THUMPD3: variants seen among roughly 807,000 people sequenced by gnomAD.
THUMPD3 encodes the protein THUMP domain 3 tRNA guanosine methyltransferase, also known as tRNA (guanine(6)-N(2))-methyltransferase THUMP3.
In THUMPD3, 44 loss-of-function variants were observed where a neutral mutation model predicts 54.5. The ratio of observed to expected loss-of-function variants is 0.81; its 90% CI spans 0.63 to 1.04. The LOEUF is 1.04. Among genes scored for constraint, THUMPD3 ranks in the 50% least tolerant of loss-of-function variants. The probability of loss-of-function intolerance (pLI) is 0.00; values close to 1 mark genes in which losing one functional copy is unlikely to be tolerated. For missense variants in THUMPD3, 604 were observed against 601.3 expected (o/e 1.00, Z -0.05); for synonymous variants, 196 against 201.4 (o/e 0.97, Z 0.23).
At chr3:9,368,625 T>C (rs1044627526) in intron 3 of THUMPD3, among the ~76,000 whole-genome samples, 1 of 152,196 alleles carries the variant, frequency 6.6e-6, no homozygotes, top group Non-Finnish European at 1.5e-5. Context: ...CCTCTCAAAG[T>C]GCTGGGGTTA....
At chr3:9,364,394 C>T (rs9844331) in intron 1 of THUMPD3, among the ~76,000 whole-genome samples, 3,047 of 151,856 alleles carry the variant, frequency 0.02, 109 homozygotes, top group African/African-American at 0.068. Flanking sequence ...TTACCCCAGC[C>T]GGAGTGCAGT....
At chr3:9,364,827 G>T (rs1366401785) in intron 1 of THUMPD3, among the ~76,000 whole-genome samples, 189 bp from the exon 2 acceptor site, 1 of 152,138 alleles carries the variant, frequency 6.6e-6, no homozygotes, top group East Asian at 1.9e-4. Flanking sequence ...TATCTGTATT[G>T]CTTCTTTAAT....
rs1302274545 is a variant in THUMPD3, at chr3:9,363,099, G to C, written c.-82G>C. 2 of 152,456 alleles carry C rather than the reference G, an allele frequency of 1.3e-5. No homozygotes were observed. The highest frequency in any genetic ancestry group is 2.9e-5 in the Non-Finnish European group (2 of 68,260). 9.4% of individuals were successfully genotyped at this position (152,456 alleles called of 1,614,324 possible). A position where few individuals can be genotyped will look rare whatever the true frequency, so the allele number is the denominator to read the frequency against. On this transcript the variant is annotated 5_prime_UTR_variant, in exon 1 of 10. Coordinates refer to ENST00000452837, the MANE Select transcript of THUMPD3 (RefSeq NM_001114092.2). ...GACCGCAAGAGGCCAATGGAGTGTG[G>C]GAGCTGAAAGGGTCTTCGCTGGCGG...
At chr3:9,377,353 A>G (rs1285119454) in intron 5 of THUMPD3, among the ~76,000 whole-genome samples, 1 of 152,132 alleles carries the variant, frequency 6.6e-6, no homozygotes, top group Non-Finnish European at 1.5e-5. Context: ...TACAGTCAAC[A>G]TATCATTATA....
At position 9,374,570 on chromosome 3, in the gene THUMPD3, G is replaced by C; in HGVS notation, c.862G>C (p.Glu288Gln). Residue 288 changes from glutamate to glutamine, a missense_variant, in exon 5 of 10, where the codon GAG becomes CAG. Physicochemically the swap from Glu to Gln is conservative, Grantham distance 29 (BLOSUM62 2). Transcript: ENST00000452837. ...EVIVGIALTE[E>Q]SLHRRNITHF... ...CATTGTGGGCATTGCATTGACTGAA[G>C]AGAGTCTCCACCGAAGAAATATAAC... The C allele has an allele frequency of 1.2e-6, 2 of 1,614,050 alleles. No homozygotes were observed. The highest frequency in any genetic ancestry group is 1.7e-5 in the Admixed American group (1 of 60,008).
intron 5 of THUMPD3, among the ~76,000 whole-genome samples, chr3:9,377,222 G>T (rs1180054809): frequency 1.3e-5 from 2 of 151,956 alleles, no homozygotes; most frequent in African/African-American, 2.4e-5. Flanking sequence ...GTGTGTGTGT[G>T]TACACATGTG....
chr3:9,372,635 A>G (rs537185830), intron 4 of THUMPD3, among the ~76,000 whole-genome samples: 141 of 152,186 alleles, frequency 9.3e-4, no homozygotes, highest in Middle Eastern at 3.4e-3. Flanking sequence ...AAACCAGGAC[A>G]TCATTGCTAA....
rs368637077 is a variant in THUMPD3 at position 9,366,937 on chromosome 3, A to G, written c.282A>G (p.Leu94=). The change falls in exon 3 of 10, where the codon TTA becomes TTG. Residue 94 remains leucine (L), a synonymous_variant. Transcript: ENST00000452837. ...QVHCLRSVDN[L]FVVVQEFQDY... ...ATTGTCTGAGATCAGTTGATAACTT[A>G]TTTGTGGTGGTTCAGGAGTTTCAAG... 3 of 1,613,206 alleles carry G rather than the reference A, an allele frequency of 1.9e-6. No homozygotes were observed. Among genetic ancestry groups the G allele is most frequent in the Non-Finnish European group, 2.5e-6 (3 of 1,179,796 alleles).
At chr3:9,379,400 T>C (rs540963587) in intron 6 of THUMPD3, among the ~76,000 whole-genome samples, 1 of 152,292 alleles carries the variant, frequency 6.6e-6, no homozygotes, top group African/African-American at 2.4e-5. Context: ...GAAAAAGTTA[T>C]GAAACACTGC....
intron 3 of THUMPD3, among the ~76,000 whole-genome samples, chr3:9,370,061 T>C (rs2031907965): frequency 6.6e-6 from 1 of 152,204 alleles, no homozygotes; most frequent in Non-Finnish European, 1.5e-5. Context: ...TTATACTTTT[T>C]TCCTTTATTT....
rs370858535 is a variant in THUMPD3, at chr3:9,384,271, G to T, written c.1295G>T (p.Arg432Leu). 6.2e-7 allele frequency: 1 copy of T among 1,614,022 alleles called. No homozygotes were observed. The highest frequency in any genetic ancestry group is 8.5e-7 in the Non-Finnish European group (1 of 1,180,018). Residue 432 changes from arginine (R) to leucine (L), a missense_variant, in exon 9 of 10, where the codon CGT becomes CTT. Transcript: ENST00000452837. Reference protein sequence around the residue: ...LYPACLREMSRVCTPTTGRAV... With the variant: ...LYPACLREMSLVCTPTTGRAV... Reference sequence around the variant, plus strand: ...CCAGCTTGCCTACGGGAGATGAGCCGTGTCTGCACACCTACCACAGGCCGA... The same window carrying T: ...CCAGCTTGCCTACGGGAGATGAGCCTTGTCTGCACACCTACCACAGGCCGA...
At position 9,377,880 on chromosome 3, in the gene THUMPD3, C is replaced by A; in HGVS notation, c.1000C>A (p.Pro334Thr). The change falls in exon 6 of 10, where the codon CCA (proline) becomes ACA (threonine). Residue 334 changes from proline to threonine, a missense_variant. Pro to Thr is a conservative substitution (Grantham distance 38). Coordinates refer to ENST00000452837, the MANE Select transcript of THUMPD3 (RefSeq NM_001114092.2). Reference sequence around the variant, plus strand: ...TCCAATGTGTGGAACTGGGGCAATACCAATAGAGGTAATCATATTTCTTTA... The same window carrying A: ...TCCAATGTGTGGAACTGGGGCAATAACAATAGAGGTAATCATATTTCTTTA... ...VDPMCGTGAI[P>T]IEGATEWSDC... The A allele has an allele frequency of 6.2e-7, 1 of 1,610,476 alleles. No homozygotes were observed. Among genetic ancestry groups the A allele is most frequent in the Non-Finnish European group, 8.5e-7 (1 of 1,176,932 alleles).
chr3:9,372,392 C>T (rs1193703779), intron 4 of THUMPD3, among the ~76,000 whole-genome samples: 1 of 151,530 alleles, frequency 6.6e-6, no homozygotes, highest in Non-Finnish European at 1.5e-5. Context: ...CCAGCGTGGC[C>T]AATATGGTGA....
chr3:9,372,713 T>G (rs181230829), intron 4 of THUMPD3, among the ~76,000 whole-genome samples: 1 of 152,322 alleles, frequency 6.6e-6, no homozygotes, highest in East Asian at 1.9e-4. Flanking sequence ...GGTACCTCAT[T>G]TTAGTATATT....
At chr3:9,376,270 G>A (rs1479431518) in intron 5 of THUMPD3, among the ~76,000 whole-genome samples, 1 of 152,190 alleles carries the variant, frequency 6.6e-6, no homozygotes, top group African/African-American at 2.4e-5. Context: ...AAGAAGGGTA[G>A]GAACCACATC....
intron 3 of THUMPD3, among the ~76,000 whole-genome samples, chr3:9,370,172 T>G (rs1392351686): frequency 1.3e-5 from 2 of 152,228 alleles, no homozygotes; most frequent in Non-Finnish European, 2.9e-5. Flanking sequence ...GTGTAAGAGA[T>G]GAGGGTATCA....
Position 9,365,021 on chromosome 3 carries a change from T to G in THUMPD3, c.-48T>G, listed in dbSNP as rs2031407905. On this transcript the variant is annotated 5_prime_UTR_variant, in exon 2 of 10. Transcript: ENST00000452837. ...TATTTCTTTTTCTTTTAAAGGACAG[T>G]ACTGCTTTTAAAGAGACAGTGTTAG... 1 of 1,586,336 alleles carries G rather than the reference T, an allele frequency of 6.3e-7. No homozygotes were observed. Among genetic ancestry groups the G allele is most frequent in the African/African-American group, 1.4e-5 (1 of 73,566 alleles).
intron 5 of THUMPD3, among the ~76,000 whole-genome samples, chr3:9,377,102 C>A (rs2032512264): frequency 1.3e-5 from 2 of 151,896 alleles, no homozygotes; most frequent in Admixed American, 1.3e-4. Context: ...TTGCCAGTAA[C>A]CTTATATTGA....
intron 5 of THUMPD3, among the ~76,000 whole-genome samples, chr3:9,376,428 C>G (rs1359301362): frequency 6.6e-6 from 1 of 152,172 alleles, no homozygotes; most frequent in Non-Finnish European, 1.5e-5. Context: ...GGGCTTTTAG[C>G]TCTTTGTTCC....
Sources: gnomAD v4.1 joint callset for allele counts (sites outside exome capture counted in the v4.1 genomes callset) on GRCh38, gnomAD v4.1.1 for gene constraint, MANE v1.5 for transcripts, NCBI Gene and HGNC (gene_info 2026-07-23, HGNC 2026-07-21) for gene names.